AGTPBP1: variants seen among roughly 807,000 people sequenced by gnomAD.
AGTPBP1 encodes the protein cytosolic carboxypeptidase 1.
Under a neutral mutation model 143.9 loss-of-function variants are expected in AGTPBP1, and 70 were observed. That is an observed-to-expected ratio of 0.49 (90% CI 0.40 to 0.59). AGTPBP1 has a LOEUF of 0.59. AGTPBP1 is among the 20% of genes least tolerant of loss of function. The probability of loss-of-function intolerance (pLI) is 0.00; values close to 1 mark genes in which losing one functional copy is unlikely to be tolerated. For synonymous variants in AGTPBP1, 463 were observed against 500.2 expected (o/e 0.93, Z 0.99); for missense variants, 1,229 against 1,464.5 (o/e 0.84, Z 2.62).
At chr9:85,635,622 T>C (rs1323113630) in intron 13 of AGTPBP1, among the ~76,000 whole-genome samples, 3 of 152,136 alleles carry the variant, frequency 2.0e-5, no homozygotes, top group African/African-American at 7.2e-5. Context: ...GGGATCCCTA[T>C]GTGATAAGCT....
intron 14 of AGTPBP1, among the ~76,000 whole-genome samples, chr9:85,628,134 TA>T (rs1313348439): frequency 2.0e-5 from 3 of 152,244 alleles, no homozygotes; most frequent in Non-Finnish European, 4.4e-5. Context: ...AAAAATACTT[TA>T]TTTTTTGTAG....
chr9:85,799,317 A>C, the AGTPBP1 span, among the ~76,000 whole-genome samples: 30 of 152,152 alleles, frequency 2.0e-4, no homozygotes, highest in Non-Finnish European at 4.3e-4. Context: ...TTATAGTAGC[A>C]TGATTTACAA....
intron 24 of AGTPBP1, among the ~76,000 whole-genome samples, chr9:85,578,303 G>A (rs989977420): frequency 2.0e-4 from 30 of 152,086 alleles, no homozygotes; most frequent in Admixed American, 3.9e-4. Flanking sequence ...TTACTAACAG[G>A]ATATGTATTT....
At chr9:85,663,510 G>T (rs902619095) in intron 8 of AGTPBP1, among the ~76,000 whole-genome samples, 2 of 150,890 alleles carry the variant, frequency 1.3e-5, no homozygotes, top group Admixed American at 1.3e-4. Flanking sequence ...AATATTTATA[G>T]AAATACAAAA....
the AGTPBP1 span, among the ~76,000 whole-genome samples, chr9:85,802,987 G>C: frequency 6.6e-6 from 1 of 152,236 alleles, no homozygotes; most frequent in Non-Finnish European, 1.5e-5. Flanking sequence ...TGTGTTTTCA[G>C]GGAGAAGGGG....
the AGTPBP1 span, among the ~76,000 whole-genome samples, chr9:85,763,929 T>A: frequency 6.6e-6 from 1 of 152,220 alleles, no homozygotes; most frequent in African/African-American, 2.4e-5. Flanking sequence ...ACCTGAAATT[T>A]GACCATAGTG....
chr9:85,668,705 G>A (rs536709049), intron 8 of AGTPBP1, among the ~76,000 whole-genome samples: 151 of 151,470 alleles, frequency 1.0e-3, no homozygotes, highest in African/African-American at 3.5e-3. Context: ...ACAAAAGTGT[G>A]GAGTGGAAAC....
chr9:85,794,545 G>A, the AGTPBP1 span, among the ~76,000 whole-genome samples: 17 of 152,278 alleles, frequency 1.1e-4, no homozygotes, highest in African/African-American at 4.1e-4. Flanking sequence ...GTACCACACT[G>A]TCTTGATTAT....
At chr9:85,800,073 G>C in the AGTPBP1 span, among the ~76,000 whole-genome samples, 2 of 152,152 alleles carry the variant, frequency 1.3e-5, no homozygotes, top group African/African-American at 4.8e-5. Context: ...TGGGGGAAAG[G>C]GGTCTGCCTT....
intron 25 of AGTPBP1, among the ~76,000 whole-genome samples, chr9:85,550,182 T>G (rs200768391): frequency 2.1e-4 from 19 of 92,074 alleles, no homozygotes; most frequent in Non-Finnish European, 4.0e-4. Flanking sequence ...AGTTTGTGAG[T>G]GTGTGTGTGT....
chr9:85,681,200 T>G, intron 4 of AGTPBP1, 68 bp downstream of exon 4: 1 of 1,388,522 alleles, frequency 7.2e-7, no homozygotes, highest in South Asian at 1.2e-5. Flanking sequence ...TACACACACA[T>G]ACGCTTTTTC....
chr9:85,702,985 A>G (rs898136105), intron 2 of AGTPBP1, among the ~76,000 whole-genome samples: 6 of 152,214 alleles, frequency 3.9e-5, no homozygotes, highest in Admixed American at 6.5e-5. Context: ...AAAACAATTT[A>G]GGGTCCACCC....
chr9:85,786,150 A>G, the AGTPBP1 span: 45 of 1,606,850 alleles, frequency 2.8e-5, no homozygotes, highest in South Asian at 2.6e-4. Flanking sequence ...GCATGCTTTC[A>G]GAAGAATTAA....
intron 17 of AGTPBP1, among the ~76,000 whole-genome samples, chr9:85,597,813 C>T (rs1384574029): frequency 6.6e-6 from 1 of 152,070 alleles, no homozygotes; most frequent in African/African-American, 2.4e-5. Context: ...GGTTTCCTAT[C>T]GTTGAACTAT....
chr9:85,728,030 T>TATACACACAC (rs71505763), intron 1 of AGTPBP1, among the ~76,000 whole-genome samples: 17 of 128,434 alleles, frequency 1.3e-4, no homozygotes, highest in African/African-American at 4.3e-4. Flanking sequence ...TATATTTATA[T>TATACACACAC]ACACACACAC....
At chr9:85,600,101 CAATG>C in intron 17 of AGTPBP1, among the ~76,000 whole-genome samples, 1 of 152,274 alleles carries the variant, frequency 6.6e-6, no homozygotes, top group South Asian at 2.1e-4. Context: ...GGCAAATATT[CAATG>C]AATGTTAGCT....
At chr9:85,624,752 T>C (rs1266315318) in intron 14 of AGTPBP1, among the ~76,000 whole-genome samples, 1 of 152,142 alleles carries the variant, frequency 6.6e-6, no homozygotes, top group Non-Finnish European at 1.5e-5. Context: ...AAGCAAAAAA[T>C]GAAAAGTCTC....
At chr9:85,773,489 A>G in the AGTPBP1 span, among the ~76,000 whole-genome samples, 1 of 150,994 alleles carries the variant, frequency 6.6e-6, no homozygotes, top group African/African-American at 2.4e-5. Context: ...GTGCACCACC[A>G]CACCCAGCTA....
chr9:85,594,340 C>G (rs1829158185), intron 18 of AGTPBP1, among the ~76,000 whole-genome samples: 1 of 152,098 alleles, frequency 6.6e-6, no homozygotes, highest in Admixed American at 6.5e-5. Context: ...AATTTCAGGC[C>G]AGGCACTTTT....
Sources: allele counts gnomAD v4.1 joint callset (sites outside exome capture counted in the v4.1 genomes callset), GRCh38; gene constraint gnomAD v4.1.1; transcripts MANE v1.5; gene names NCBI Gene and HGNC (gene_info 2026-07-23, HGNC 2026-07-21).